The following LRRTM4 variants were observed in gnomAD, a reference collection of about 807,000 sequenced individuals.
The protein encoded by LRRTM4 is leucine rich repeat transmembrane neuronal 4.
Under a neutral mutation model 47.6 loss-of-function variants are expected in LRRTM4, and 25 were observed. The ratio of observed to expected loss-of-function variants is 0.53; its 90% CI spans 0.38 to 0.73. The LOEUF is 0.73. LRRTM4 is among the 30% of genes least tolerant of loss of function. LRRTM4 has a pLI of 0.00. For synonymous variants in LRRTM4, 311 were observed against 269.5 expected (o/e 1.15, Z -1.51); for missense variants, 638 against 713.4 (o/e 0.89, Z 1.20).
At chr2:77,357,721 T>C (rs1225762708) in intron 3 of LRRTM4, among the ~76,000 whole-genome samples, 1 of 152,232 alleles carries the variant, frequency 6.6e-6, no homozygotes, top group Non-Finnish European at 1.5e-5. Flanking sequence ...GCTTACTTTA[T>C]TAAATGACTT....
intron 3 of LRRTM4, among the ~76,000 whole-genome samples, chr2:76,937,878 A>G (rs1008107911): frequency 6.6e-6 from 1 of 151,942 alleles, no homozygotes; most frequent in African/African-American, 2.4e-5. Flanking sequence ...CTTTATATAT[A>G]TATTTTTAAA....
intron 3 of LRRTM4, among the ~76,000 whole-genome samples, chr2:77,241,205 TAC>T (rs10555648): frequency 0.2 from 23,776 of 119,368 alleles, 2,022 homozygotes; most frequent in East Asian, 0.34. Flanking sequence ...GAATTGGAAA[TAC>T]ACACACACAC....
chr2:77,017,261 G>A (rs180725621), intron 3 of LRRTM4, among the ~76,000 whole-genome samples: 2 of 152,166 alleles, frequency 1.3e-5, no homozygotes, highest in Admixed American at 1.3e-4. Flanking sequence ...ATCACTTTAA[G>A]TAATGCATAT....
intron 3 of LRRTM4, among the ~76,000 whole-genome samples, chr2:77,320,472 A>T (rs189592286): frequency 1.2e-4 from 18 of 152,302 alleles, no homozygotes; most frequent in Middle Eastern, 3.4e-3. Context: ...TTGAAATTAC[A>T]ATTATTATAA....
intron 3 of LRRTM4, among the ~76,000 whole-genome samples, chr2:77,479,701 G>A (rs76348527): frequency 0.034 from 5,081 of 151,344 alleles, 123 homozygotes; most frequent in Non-Finnish European, 0.054. Context: ...TCTTTTTCTC[G>A]TCTCCATCTC....
At chr2:77,003,544 G>T (rs1036589132) in intron 3 of LRRTM4, among the ~76,000 whole-genome samples, 2 of 152,100 alleles carry the variant, frequency 1.3e-5, no homozygotes. Flanking sequence ...TTTGCCTGCC[G>T]CCATGTAAGA....
At position 77,294,486 on chromosome 2, in the gene LRRTM4, G is replaced by A. The variant is rs114111201; in HGVS notation, c.1551+223832C>T. Among the ~76,000 whole-genome samples, 538 of 152,190 alleles carry A rather than the reference G, an allele frequency of 3.5e-3. 1 individual carries two copies. The highest frequency in any genetic ancestry group is 0.012 in the African/African-American group (493 of 41,546). ...GGTCAATAAATTGCAACCGTTTTGT[G>A]TTTGACCAGATCTTGGAGTAACAAA... On this transcript the variant is annotated intron_variant, in intron 3 of 3. Transcript: ENST00000409884.
chr2:76,904,278 A>G (rs1487095321), intron 3 of LRRTM4, among the ~76,000 whole-genome samples: 1 of 152,220 alleles, frequency 6.6e-6, no homozygotes, highest in South Asian at 2.1e-4. Flanking sequence ...TGATTGTTTG[A>G]GAACCACGTT....
At chr2:76,944,368 C>A (rs902406240) in intron 3 of LRRTM4, among the ~76,000 whole-genome samples, 1 of 152,008 alleles carries the variant, frequency 6.6e-6, no homozygotes, top group Non-Finnish European at 1.5e-5. Flanking sequence ...TATCCCAGCA[C>A]CAAAAAACAC....
chr2:76,952,350 A>C (rs1675525498), intron 3 of LRRTM4, among the ~76,000 whole-genome samples: 1 of 152,032 alleles, frequency 6.6e-6, no homozygotes, highest in East Asian at 1.9e-4. Flanking sequence ...CAAATCAACA[A>C]GAAAACAACA....
intron 3 of LRRTM4, among the ~76,000 whole-genome samples, chr2:77,350,499 G>A (rs1426115414): frequency 2.0e-5 from 3 of 151,902 alleles, no homozygotes; most frequent in African/African-American, 7.3e-5. Context: ...ATAGTCCAGT[G>A]TTAAGGTATA....
intron 3 of LRRTM4, among the ~76,000 whole-genome samples, chr2:76,959,613 C>G (rs1483963601): frequency 6.6e-6 from 1 of 151,678 alleles, no homozygotes; most frequent in Non-Finnish European, 1.5e-5. Context: ...ACAGCAAAGA[C>G]TTACTCCTAT....
chr2:76,921,490 A>C (rs868458448), intron 3 of LRRTM4, among the ~76,000 whole-genome samples: 14 of 152,210 alleles, frequency 9.2e-5, no homozygotes, highest in Middle Eastern at 6.8e-3. Context: ...CAAATAATTA[A>C]GCACAGTCCA....
chr2:77,104,200 T>C (rs1294423187), intron 3 of LRRTM4, among the ~76,000 whole-genome samples: 1 of 152,140 alleles, frequency 6.6e-6, no homozygotes, highest in Non-Finnish European at 1.5e-5. Flanking sequence ...ACTGCCTACC[T>C]TTATCTTTGA....
intron 3 of LRRTM4, among the ~76,000 whole-genome samples, chr2:77,386,717 C>G (rs1054281767): frequency 6.6e-6 from 1 of 151,950 alleles, no homozygotes; most frequent in Non-Finnish European, 1.5e-5. Context: ...TGTTCTCACT[C>G]GTAAGTGGGA....
At chr2:76,788,512 C>G (rs1472089155) in intron 3 of LRRTM4, among the ~76,000 whole-genome samples, 1 of 152,120 alleles carries the variant, frequency 6.6e-6, no homozygotes, top group Non-Finnish European at 1.5e-5. Flanking sequence ...CTCTATTTAA[C>G]CTGTGTAGAC....
chr2:77,178,185 T>G (rs1673250383), intron 3 of LRRTM4, among the ~76,000 whole-genome samples: 1 of 152,210 alleles, frequency 6.6e-6, no homozygotes, highest in South Asian at 2.1e-4. Flanking sequence ...AGAAATTGCA[T>G]GTAGGAAAAT....
intron 3 of LRRTM4, among the ~76,000 whole-genome samples, chr2:77,507,795 A>G (rs1678834890): frequency 1.3e-5 from 2 of 152,108 alleles, no homozygotes; most frequent in Non-Finnish European, 2.9e-5. Flanking sequence ...AATGCACAAA[A>G]TGGAATTCCA....
chr2:77,189,770 TAC>T lies in LRRTM4; in HGVS notation c.1551+328546_1551+328547del, dbSNP rs200696971. Among the ~76,000 whole-genome samples, 210 of 151,556 alleles carry T rather than the reference TAC, an allele frequency of 1.4e-3. 1 individual carries two copies. Among genetic ancestry groups the T allele is most frequent in the African/African-American group, 3.5e-3 (146 of 41,360 alleles). ...TATACTTTATATGTATATATACATA[TAC>T]ACACACACACACATTTATATATACA... On this transcript the variant is annotated intron_variant, in intron 3 of 3. Transcript: ENST00000409884.
Sources: allele counts gnomAD v4.1 joint callset (sites outside exome capture counted in the v4.1 genomes callset), GRCh38; gene constraint gnomAD v4.1.1; transcripts MANE v1.5; gene names NCBI Gene and HGNC (gene_info 2026-07-23, HGNC 2026-07-21).